MAGI2: variants seen among roughly 807,000 people sequenced by gnomAD.
MAGI2 encodes membrane associated guanylate kinase, WW and PDZ domain containing 2.
A neutral mutation model predicts 133.3 loss-of-function variants in MAGI2; 35 were observed. That is an observed-to-expected ratio of 0.26 (90% confidence interval 0.20 to 0.35). The LOEUF (loss-of-function observed/expected upper bound fraction) is 0.35, where lower values mean the gene tolerates loss of function less well. Ranked by LOEUF, MAGI2 falls within the 10% of genes least tolerant of loss-of-function variation. The probability of loss-of-function intolerance (pLI) is 1.00; values close to 1 mark genes in which losing one functional copy is unlikely to be tolerated. For synonymous variants in MAGI2, 729 were observed against 710.6 expected (o/e 1.03, Z -0.41); for missense variants, 1,636 against 1,863.4 (o/e 0.88, Z 2.25).
At chr7:79,062,476 T>C (rs2117080438) in intron 1 of MAGI2, among the ~76,000 whole-genome samples, 1 of 151,946 alleles carries the variant, frequency 6.6e-6, no homozygotes, top group East Asian at 1.9e-4. Flanking sequence ...ATCCTTGTTT[T>C]CTGTTCTTCT....
intron 3 of MAGI2, among the ~76,000 whole-genome samples, chr7:78,592,591 G>GA (rs1303218485): frequency 2.0e-5 from 3 of 152,066 alleles, no homozygotes; most frequent in Admixed American, 6.6e-5. Context: ...AGTGACGGTA[G>GA]AAAAAATCAA....
At chr7:78,871,454 G>A (rs774009756) in intron 2 of MAGI2, among the ~76,000 whole-genome samples, 53 of 151,992 alleles carry the variant, frequency 3.5e-4, no homozygotes, top group Middle Eastern at 3.2e-3. Flanking sequence ...ACTTACCTAT[G>A]TAATAAAAAA....
chr7:79,198,270 A>AATG (rs1828270703), intron 1 of MAGI2, among the ~76,000 whole-genome samples: 2 of 151,194 alleles, frequency 1.3e-5, no homozygotes, highest in African/African-American at 4.9e-5. Context: ...ACAAACAAAC[A>AATG]ACAACAACAA....
At chr7:78,037,182 G>A (rs1810318932) in intron 21 of MAGI2, among the ~76,000 whole-genome samples, 2 of 152,036 alleles carry the variant, frequency 1.3e-5, no homozygotes, top group Non-Finnish European at 2.9e-5. Context: ...GGCTCTGGGT[G>A]TACCTAGCGC....
At chr7:78,852,672 CACTT>C (rs1320056451) in intron 2 of MAGI2, among the ~76,000 whole-genome samples, 1 of 152,148 alleles carries the variant, frequency 6.6e-6, no homozygotes, top group South Asian at 2.1e-4. Flanking sequence ...TAAAATATGA[CACTT>C]ACATATATGC....
At chr7:79,042,179 A>T (rs1192041997) in intron 1 of MAGI2, among the ~76,000 whole-genome samples, 1 of 152,220 alleles carries the variant, frequency 6.6e-6, no homozygotes, top group African/African-American at 2.4e-5. Flanking sequence ...AAAATGAACA[A>T]GACTTTGCAG....
chr7:78,092,883 C>T (rs1434200830), intron 20 of MAGI2, among the ~76,000 whole-genome samples: 3 of 152,048 alleles, frequency 2.0e-5, no homozygotes, highest in African/African-American at 7.2e-5. Flanking sequence ...AAAAATGACT[C>T]CTGCATCCAA....
chr7:79,419,296 T>A (rs929579463), intron 1 of MAGI2, among the ~76,000 whole-genome samples: 1 of 151,990 alleles, frequency 6.6e-6, no homozygotes, highest in Non-Finnish European at 1.5e-5. Flanking sequence ...ACAACCGATA[T>A]GAAAGCTGTG....
intron 21 of MAGI2, among the ~76,000 whole-genome samples, chr7:78,070,131 ATGTG>A (rs1310781659): frequency 4.3e-5 from 6 of 140,922 alleles, no homozygotes; most frequent in African/African-American, 1.6e-4. Flanking sequence ...ACACACATAT[ATGTG>A]TGTGTATATA....
chr7:78,341,044 A>G (rs1483995378), intron 9 of MAGI2, among the ~76,000 whole-genome samples: 1 of 152,216 alleles, frequency 6.6e-6, no homozygotes, highest in Non-Finnish European at 1.5e-5. Flanking sequence ...ACATGATTGT[A>G]TATTTAGAAA....
intron 6 of MAGI2, among the ~76,000 whole-genome samples, chr7:78,469,925 C>T (rs535999651): frequency 1.6e-4 from 25 of 152,186 alleles, no homozygotes; most frequent in African/African-American, 3.6e-4. Context: ...GTGCCTAGCA[C>T]GGTGCTTTTA....
intron 2 of MAGI2, among the ~76,000 whole-genome samples, chr7:78,738,912 C>T (rs1459793129): frequency 6.6e-6 from 1 of 152,078 alleles, no homozygotes; most frequent in African/African-American, 2.4e-5. Context: ...AGATACATAA[C>T]TCATTAAAAT....
intron 1 of MAGI2, 99 bp from the exon 2 acceptor site, chr7:79,007,305 A>T: frequency 1.5e-6 from 1 of 653,738 alleles, no homozygotes; most frequent in Non-Finnish European, 2.7e-6. Flanking sequence ...CATTAAAAAG[A>T]TGCATTATTT....
chr7:78,114,019 T>C (rs865906695), intron 20 of MAGI2, among the ~76,000 whole-genome samples: 1 of 152,210 alleles, frequency 6.6e-6, no homozygotes, highest in Non-Finnish European at 1.5e-5. Context: ...ATCAAAGCTA[T>C]AGAGCAGCTG....
chr7:79,290,051 T>A (rs1349783535), intron 1 of MAGI2, among the ~76,000 whole-genome samples: 5 of 152,070 alleles, frequency 3.3e-5, no homozygotes, highest in African/African-American at 1.2e-4. Flanking sequence ...ACAAAATCTA[T>A]ATGCCCAGCC....
intron 2 of MAGI2, among the ~76,000 whole-genome samples, chr7:78,704,102 A>G (rs1437512882): frequency 2.6e-5 from 4 of 152,140 alleles, no homozygotes; most frequent in African/African-American, 9.6e-5. Flanking sequence ...GAGCTTCTGC[A>G]TATCAGATCC....
At chr7:79,407,433 C>T (rs912670296) in intron 1 of MAGI2, among the ~76,000 whole-genome samples, 3 of 152,116 alleles carry the variant, frequency 2.0e-5, no homozygotes, top group Non-Finnish European at 4.4e-5. Context: ...AGATTTTTGA[C>T]ATACTAAAGA....
At chr7:78,073,324 G>A (rs991609475) in intron 21 of MAGI2, among the ~76,000 whole-genome samples, 4 of 151,658 alleles carry the variant, frequency 2.6e-5, no homozygotes, top group African/African-American at 7.3e-5. Context: ...CTCCCCCTTG[G>A]TGTGGGTATG....
At chr7:78,384,665 C>G (rs1795220838) in intron 6 of MAGI2, among the ~76,000 whole-genome samples, 1 of 152,082 alleles carries the variant, frequency 6.6e-6, no homozygotes, top group Admixed American at 6.6e-5. Flanking sequence ...ACAAGAAAAT[C>G]CTACTGTTTA....
Sources: allele counts gnomAD v4.1 joint callset (sites outside exome capture counted in the v4.1 genomes callset), GRCh38; gene constraint gnomAD v4.1.1; transcripts MANE v1.5; gene names NCBI Gene and HGNC (gene_info 2026-07-23, HGNC 2026-07-21).